Variants in CCDC73 observed in about 807,000 individuals in gnomAD.
CCDC73 encodes coiled-coil domain-containing protein 73.
CCDC73 carries 95 observed loss-of-function variants against 116.5 expected under a neutral mutation model. That is an observed-to-expected ratio of 0.82 (90% confidence interval 0.69 to 0.97). The LOEUF (loss-of-function observed/expected upper bound fraction) is 0.97, where lower values mean the gene tolerates loss of function less well. CCDC73 is among the 50% of genes least tolerant of loss of function. The pLI, the probability that CCDC73 is intolerant of heterozygous loss-of-function variation, is 0.00. For missense variants in CCDC73, 1,066 were observed against 1,206.8 expected, an observed-to-expected ratio of 0.88 and a Z score of 1.73; for synonymous variants, 398 against 401.3, an observed-to-expected ratio of 0.99 and a Z score of 0.10.
rs1855966114 is a variant in CCDC73, at chr11:32,664,915, A to G, written c.646-9943T>C. ...CATGTCTGCCTTCATTTCATTATGTACCCAGTAGTCATTCAGGAGCAGGTT... is the reference window on the plus strand; with the variant it reads ...CATGTCTGCCTTCATTTCATTATGTGCCCAGTAGTCATTCAGGAGCAGGTT... On this transcript the variant is annotated intron_variant, in intron 9 of 17. Coordinates refer to ENST00000335185, the MANE Select transcript of CCDC73 (RefSeq NM_001008391.4). Among the ~76,000 whole-genome samples the G allele has an allele frequency of 3.9e-5, 6 of 152,122 alleles. No homozygotes were observed. The South Asian group carries it at 1.3e-3, about 32-fold the overall frequency.
chr11:32,762,456 T>G (rs1850400344), intron 1 of CCDC73, among the ~76,000 whole-genome samples: 1 of 152,114 alleles, frequency 6.6e-6, no homozygotes, highest in Admixed American at 6.5e-5. Context: ...GAATTCAAAC[T>G]TAGGGCTTAC....
At chr11:32,719,793 T>C (rs1227934558) in intron 2 of CCDC73, among the ~76,000 whole-genome samples, 1 of 152,024 alleles carries the variant, frequency 6.6e-6, no homozygotes, top group African/African-American at 2.4e-5. Context: ...ACTCAGAAAT[T>C]TGACAACTTA....
chr11:32,807,641 T>C, the CCDC73 span, among the ~76,000 whole-genome samples: 2 of 152,140 alleles, frequency 1.3e-5, no homozygotes, highest in African/African-American at 4.8e-5. Flanking sequence ...TTAGTGTGTT[T>C]TATGTATGGT....
rs143050020 is a variant in CCDC73, at chr11:32,663,703, C to T, written c.646-8731G>A. Among the ~76,000 whole-genome samples the T allele has an allele frequency of 6.8e-3, 1,032 of 152,330 alleles. 15 individuals carry two copies. Among genetic ancestry groups the T allele is most frequent in the African/African-American group, 0.024 (992 of 41,556 alleles). ...TCTTGCCTGATTGCCCTGGTCAGAA[C>T]TTCCAACACTATGTTGAATAGGAGT... is the stretch of plus-strand genomic sequence containing the variant. On this transcript the variant is annotated intron_variant, in intron 9 of 17. Coordinates refer to ENST00000335185, the MANE Select transcript of CCDC73 (RefSeq NM_001008391.4).
chr11:32,789,808 A>G (rs1850660077), intron 1 of CCDC73, among the ~76,000 whole-genome samples: 1 of 152,036 alleles, frequency 6.6e-6, no homozygotes, highest in Non-Finnish European at 1.5e-5. Context: ...TTCTCAAGGA[A>G]CTCTAGTAGA....
chr11:32,830,087 G>A, the CCDC73 span: 2 of 990,208 alleles, frequency 2.0e-6, no homozygotes, highest in Non-Finnish European at 2.4e-6. Context: ...TGAGGGCGCC[G>A]GAGACCGAGG....
intron 1 of CCDC73, among the ~76,000 whole-genome samples, chr11:32,777,043 GTC>G (rs1746767061): frequency 7.6e-6 from 1 of 131,528 alleles, no homozygotes; most frequent in South Asian, 2.4e-4. Context: ...AAAGTTAGAA[GTC>G]TTAGACTTGA....
At chr11:32,742,257 TA>T (rs1850194722) in intron 2 of CCDC73, among the ~76,000 whole-genome samples, 2 of 152,240 alleles carry the variant, frequency 1.3e-5, no homozygotes, top group Non-Finnish European at 2.9e-5. Context: ...ATGGTTGAAC[TA>T]ATTTATACTC....
chr11:32,773,713 G>T (rs561683848), intron 1 of CCDC73, among the ~76,000 whole-genome samples: 1 of 151,462 alleles, frequency 6.6e-6, no homozygotes, highest in African/African-American at 2.4e-5. Context: ...CCAGGAGTTC[G>T]AGGTAACAGT....
chr11:32,603,353 A>G (rs771315297), intron 17 of CCDC73: 4 of 197,726 alleles, frequency 2.0e-5, no homozygotes, highest in Non-Finnish European at 4.1e-5. Flanking sequence ...AAGACACTGT[A>G]TTGGGTAATT....
chr11:32,759,327 C>CTTTTTTTTT (rs1208029392), intron 2 of CCDC73, among the ~76,000 whole-genome samples: 1 of 129,956 alleles, frequency 7.7e-6, no homozygotes, highest in African/African-American at 2.9e-5. Flanking sequence ...ACATTTTTTC[C>CTTTTTTTTT]TTTTTTTTTT....
At chr11:32,728,743 C>T (rs191431275) in intron 2 of CCDC73, among the ~76,000 whole-genome samples, 9 of 152,236 alleles carry the variant, frequency 5.9e-5, no homozygotes, top group Admixed American at 5.9e-4. Context: ...CTCGCTCTGT[C>T]GCCCAGGCTG....
intron 2 of CCDC73, among the ~76,000 whole-genome samples, chr11:32,745,457 CTTG>C (rs1437963628): frequency 1.3e-5 from 2 of 152,084 alleles, no homozygotes; most frequent in East Asian, 3.8e-4. Flanking sequence ...CCTGGATATC[CTTG>C]TTAATTTTTT....
the CCDC73 span, among the ~76,000 whole-genome samples, chr11:32,811,784 T>C: frequency 6.6e-6 from 1 of 152,070 alleles, no homozygotes; most frequent in Non-Finnish European, 1.5e-5. Context: ...ACCAAGCCAT[T>C]CATGAGGGAT....
At chr11:32,776,978 T>C (rs1359192345) in intron 1 of CCDC73, among the ~76,000 whole-genome samples, 3 of 100,892 alleles carry the variant, frequency 3.0e-5, no homozygotes, top group East Asian at 2.2e-4. Flanking sequence ...CACACATATA[T>C]ATATACACAT....
chr11:32,760,012 A>T, intron 2 of CCDC73, 97 bp downstream of exon 2: 1 of 976,116 alleles, frequency 1.0e-6, no homozygotes, highest in African/African-American at 1.7e-5. Flanking sequence ...ATTTCTAAAC[A>T]AGAGGGATTT....
intron 12 of CCDC73, among the ~76,000 whole-genome samples, chr11:32,649,561 T>C (rs1344996748): frequency 2.0e-5 from 3 of 152,158 alleles, no homozygotes; most frequent in Admixed American, 1.3e-4. Context: ...ATGAGAATGC[T>C]CCTCAAGAAA....
the CCDC73 span, among the ~76,000 whole-genome samples, chr11:32,806,354 C>T: frequency 6.6e-6 from 1 of 152,180 alleles, no homozygotes; most frequent in African/African-American, 2.4e-5. Flanking sequence ...GGCATGGTAG[C>T]TCACCCCTAT....
chr11:32,627,945 A>T (rs1178003549), intron 14 of CCDC73, among the ~76,000 whole-genome samples: 1 of 152,226 alleles, frequency 6.6e-6, no homozygotes, highest in African/African-American at 2.4e-5. Context: ...GGTTGTGCAC[A>T]TATACCCTAA....
Sources: gnomAD v4.1 joint callset for allele counts (sites outside exome capture counted in the v4.1 genomes callset) on GRCh38, gnomAD v4.1.1 for gene constraint, MANE v1.5 for transcripts, NCBI Gene and HGNC (gene_info 2026-07-23, HGNC 2026-07-21) for gene names.